The following ZNF615 variants were observed in gnomAD, a reference collection of about 807,000 sequenced individuals.
ZNF615 encodes the protein zinc finger protein 615.
ZNF615 carries 15 observed loss-of-function variants against 15.3 expected under a neutral mutation model. The observed-to-expected ratio is 0.98, with a 90% CI of 0.66 to 1.51. The LOEUF (loss-of-function observed/expected upper bound fraction) is 1.51. Ranked by LOEUF, ZNF615 falls within the 40% of genes most tolerant of loss-of-function variation. The pLI, the probability that ZNF615 is intolerant of heterozygous loss-of-function variation, is 0.00. For synonymous variants in ZNF615, 268 were observed against 294.6 expected (o/e 0.91, Z 0.92); for missense variants, 848 against 895.9 (o/e 0.95, Z 0.68).
At chr19:52,002,833 G>GTT (rs59175097) in intron 3 of ZNF615, among the ~76,000 whole-genome samples, 28,177 of 147,196 alleles carry the variant, frequency 0.19, 2,850 homozygotes, top group South Asian at 0.29. Context: ...TTGCTTGCTT[G>GTT]TTTTTTTTTT....
intron 6 of ZNF615, among the ~76,000 whole-genome samples, chr19:51,997,856 C>A (rs1184574464): frequency 2.0e-5 from 3 of 152,200 alleles, no homozygotes; most frequent in East Asian, 1.9e-4. Context: ...AATAACTTCA[C>A]ATGTGTTGAC....
intron 3 of ZNF615, 75 bp from the exon 4 acceptor site, chr19:52,002,356 C>T (rs945035199): frequency 4.5e-5 from 72 of 1,605,342 alleles, no homozygotes; most frequent in Non-Finnish European, 5.5e-5. Flanking sequence ...GAAGTCATTC[C>T]GCTCATTTTC....
At chr19:51,996,079 A>G (rs748900251) in intron 6 of ZNF615, among the ~76,000 whole-genome samples, 1 of 152,102 alleles carries the variant, frequency 6.6e-6, no homozygotes, top group Non-Finnish European at 1.5e-5. Flanking sequence ...TGAGGACTCA[A>G]AGATTATTCC....
At chr19:52,002,120 G>A (rs1415507064) in intron 4 of ZNF615, 35 bp downstream of exon 4, 2 of 1,614,162 alleles carry the variant, frequency 1.2e-6, no homozygotes, top group Non-Finnish European at 1.7e-6. Context: ...CACTGACTGG[G>A]CACCCTCTGA....
intron 6 of ZNF615, among the ~76,000 whole-genome samples, chr19:51,998,954 C>T (rs570373114): frequency 2.4e-4 from 36 of 151,980 alleles, no homozygotes; most frequent in Middle Eastern, 3.4e-3. Context: ...CGCGCCCAGC[C>T]CAAAACACAA....
rs1056910901 is a variant in ZNF615 at position 51,991,841 on chromosome 19, T to C, written c.*1039A>G. The C allele has an allele frequency of 2.6e-5, 4 of 152,138 alleles. No individual in the cohort carries two copies. Among genetic ancestry groups the C allele is most frequent in the African/African-American group, 7.2e-5 (3 of 41,414 alleles). 9.4% of individuals were successfully genotyped at this position (152,138 alleles called of 1,614,324 possible). On this transcript the variant is annotated 3_prime_UTR_variant, in exon 7 of 7. Coordinates refer to ENST00000598071, the MANE Select transcript of ZNF615 (RefSeq NM_001199324.2). Reference sequence around the variant, plus strand: ...TAACAGTATTGTAACAATTTCACTTTCCTGTATTTGGTAATGAACTATGCT... The same window carrying C: ...TAACAGTATTGTAACAATTTCACTTCCCTGTATTTGGTAATGAACTATGCT...
chr19:51,998,867 C>A (rs1393379482), intron 6 of ZNF615, among the ~76,000 whole-genome samples: 1 of 152,140 alleles, frequency 6.6e-6, no homozygotes, highest in Admixed American at 6.5e-5. Flanking sequence ...GTTGGCCAGG[C>A]TGGTCTCGAA....
chr19:52,003,786 C>T lies in ZNF615; in HGVS notation c.-75G>A, dbSNP rs2086673420. 2 of 1,587,782 alleles carry T rather than the reference C, an allele frequency of 1.3e-6. No individual in the cohort carries two copies. Among genetic ancestry groups the T allele is most frequent in the African/African-American group, 1.4e-5 (1 of 73,656 alleles). ...TCTCTTCTGAATCAGCTCTAAATTT[C>T]GGTTCAAAAACTTCAATCTCCAATC... is the stretch of plus-strand genomic sequence containing the variant. On this transcript the variant is annotated 5_prime_UTR_variant, in exon 3 of 7. Transcript: ENST00000598071.
rs1188203555 is a variant in ZNF615, at chr19:52,002,296, T to G, written c.16-15A>C. 2 of 1,613,822 alleles carry G rather than the reference T, an allele frequency of 1.2e-6. No homozygotes were observed. The highest frequency in any genetic ancestry group is 1.7e-6 in the Non-Finnish European group (2 of 1,179,852). ...GTTAGGGATTCCTGTAATAACACACTTCTGTTTAATGAAGTCATATTCTTT... is the reference window on the plus strand; with the variant it reads ...GTTAGGGATTCCTGTAATAACACACGTCTGTTTAATGAAGTCATATTCTTT... On this transcript the variant is annotated splice_polypyrimidine_tract_variant and intron_variant, in intron 3 of 6. Coordinates refer to ENST00000598071, the MANE Select transcript of ZNF615 (RefSeq NM_001199324.2).
At position 51,994,577 on chromosome 19, in the gene ZNF615, GA is replaced by G. The variant is rs1371666587; in HGVS notation, c.531del (p.His178MetfsTer11). On this transcript the variant is annotated frameshift_variant, in exon 7 of 7. Transcript: ENST00000598071. LOFTEE classifies it low-confidence loss of function (END_TRUNC). Reference sequence around the variant, plus strand: ...GTATAAAATTGTTTATGGTTAGCATGAAAAAGGGATTTCCCATCTCTATTAA... The same window carrying G: ...GTATAAAATTGTTTATGGTTAGCATGAAAAGGGATTTCCCATCTCTATTAA... ...AEFNRDGKSLFHANHKQFYTE... is the reference protein window; with the variant it reads ...AEFNRDGKSLXHANHKQFYTE... The G allele has an allele frequency of 6.2e-7, 1 of 1,613,604 alleles. No individual in the cohort carries two copies. The highest frequency in any genetic ancestry group is 1.3e-5 in the African/African-American group (1 of 74,892).
At chr19:51,999,473 T>C (rs898553690) in intron 6 of ZNF615, among the ~76,000 whole-genome samples, 1 of 152,322 alleles carries the variant, frequency 6.6e-6, no homozygotes, top group Non-Finnish European at 1.5e-5. Flanking sequence ...TATAGAACCA[T>C]AATCATCAAG....
intron 6 of ZNF615, among the ~76,000 whole-genome samples, chr19:51,998,847 G>A (rs978971885): frequency 6.6e-6 from 1 of 152,086 alleles, no homozygotes. Context: ...TAGAAACGGG[G>A]TTTCACCATG....
chr19:51,995,896 G>GA, intron 6 of ZNF615, among the ~76,000 whole-genome samples: 1 of 151,944 alleles, frequency 6.6e-6, no homozygotes, highest in Admixed American at 6.6e-5. Context: ...TTTTAGTTAG[G>GA]AAAAAATGAA....
At chr19:52,000,263 T>C (rs2086552906) in intron 6 of ZNF615, 83 bp downstream of exon 6, 1 of 522,384 alleles carries the variant, frequency 1.9e-6, no homozygotes, top group Non-Finnish European at 3.4e-6. Context: ...AACCACCTAT[T>C]TGGTACTATG....
rs779389311 is a variant in ZNF615 at position 51,994,606 on chromosome 19, T to G, written c.503A>C (p.Glu168Ala). The change falls in exon 7 of 7, where the codon GAG becomes GCG. Residue 168 changes from glutamate (E) to alanine (A), a missense_variant. Coordinates refer to ENST00000598071, the MANE Select transcript of ZNF615 (RefSeq NM_001199324.2). ...AAGGGATTTCCCATCTCTATTAAAC[T>G]CAGCAGAGTTCTTTAGGCCAGAGCT... The part of the protein sequence containing the change: ...KRSSGLKNSA[E>A]FNRDGKSLFH... 6.8e-6 allele frequency: 11 copies of G among 1,613,584 alleles called. No individual in the cohort carries two copies. The Middle Eastern group carries it at 4.9e-4, about 73-fold the overall frequency.
chr19:52,001,775 T>C, intron 5 of ZNF615, 38 bp downstream of exon 5: 1 of 1,566,032 alleles, frequency 6.4e-7, no homozygotes, highest in Non-Finnish European at 8.8e-7. Context: ...CAGAACATGG[T>C]GTCTGTGGCT....
At chr19:52,008,021 G>C (rs2086804397) in intron 1 of ZNF615, 120 bp downstream of exon 1, 2 of 888,888 alleles carry the variant, frequency 2.3e-6, no homozygotes, top group African/African-American at 1.7e-5. Context: ...AATTCCACTG[G>C]CGTCGCCAAA....
chr19:51,996,340 C>T (rs983134344), intron 6 of ZNF615, among the ~76,000 whole-genome samples: 1 of 132,270 alleles, frequency 7.6e-6, no homozygotes, highest in Admixed American at 8.6e-5. Context: ...GGGCTGAAAT[C>T]ACACCACTGC....
In ZNF615 at chr19:51,994,368, C is replaced by G; in HGVS notation, c.741G>C (p.Met247Ile). ...HTGEKPHVCSMCGKAFSRKSR... is the reference protein window; with the variant it reads ...HTGEKPHVCSICGKAFSRKSR... ...ATTTTCTGGAGAAAGCTTTCCCACA[C>G]ATACTGCATACATGAGGTTTTTCTC... The change falls in exon 7 of 7, where the codon ATG becomes ATC. Residue 247 changes from methionine to isoleucine, a missense_variant. Coordinates refer to ENST00000598071, the MANE Select transcript of ZNF615 (RefSeq NM_001199324.2). The G allele has an allele frequency of 1.2e-6, 2 of 1,614,090 alleles. No homozygotes were observed. Among genetic ancestry groups the G allele is most frequent in the Non-Finnish European group, 1.7e-6 (2 of 1,180,018 alleles).
Sources: gnomAD v4.1 joint callset for allele counts (sites outside exome capture counted in the v4.1 genomes callset) on GRCh38, gnomAD v4.1.1 for gene constraint, MANE v1.5 for transcripts, NCBI Gene and HGNC (gene_info 2026-07-23, HGNC 2026-07-21) for gene names.